Variants in MAST2 observed in about 807,000 individuals in gnomAD.
MAST2 encodes microtubule associated serine/threonine kinase 2, also known as microtubule-associated serine/threonine-protein kinase 2.
Under a neutral mutation model 147.4 loss-of-function variants are expected in MAST2, and 70 were observed. The observed-to-expected ratio is 0.47, with a 90% CI of 0.39 to 0.58. MAST2 has a LOEUF of 0.58. MAST2 is among the 20% of genes least tolerant of loss of function. The probability of loss-of-function intolerance (pLI) is 0.00; values close to 1 mark genes in which losing one functional copy is unlikely to be tolerated. For synonymous variants in MAST2, 869 were observed against 896.8 expected (o/e 0.97, Z 0.55); for missense variants, 2,080 against 2,302.3 (o/e 0.90, Z 1.98).
At position 46,006,305 on chromosome 1, in the gene MAST2, A is replaced by C; in HGVS notation, c.812A>C (p.His271Pro). The C allele has an allele frequency of 2.5e-6, 4 of 1,613,870 alleles. No homozygotes were observed. The highest frequency in any genetic ancestry group is 2.5e-6 in the Non-Finnish European group (3 of 1,179,864). The stretch of plus-strand genomic sequence containing the variant: ...TTCCAGCCTACAGCTGATGAGCTGC[A>C]CTTTTTGACGAAGCATTTCAGCACA... ...LPFQPTADEL[H>P]FLTKHFSTES... Residue 271 changes from histidine to proline, a missense_variant, in exon 8 of 29, where the codon CAC (histidine) becomes CCC (proline). Transcript: ENST00000361297.
Position 45,973,155 on chromosome 1 carries a change from T to C in MAST2, c.592+13678T>C, listed in dbSNP as rs568337379. 3.9e-5 allele frequency among the ~76,000 whole-genome samples: 6 copies of C among 152,332 alleles called. No individual in the cohort carries two copies. The East Asian group carries it at 1.2e-3, about 29-fold the overall frequency. ...AGTTCTACTCCTGTATTATTCTTTT[T>C]TTCAGTCTGTTTGTGAGCTGTAATG... On this transcript the variant is annotated intron_variant, in intron 5 of 28. Coordinates refer to ENST00000361297, the MANE Select transcript of MAST2 (RefSeq NM_015112.3).
intron 28 of MAST2, 92 bp downstream of exon 28, chr1:46,034,358 C>T (rs1276850106): frequency 7.0e-7 from 1 of 1,422,516 alleles, no homozygotes; most frequent in African/African-American, 1.4e-5. Context: ...CACTCTGAGT[C>T]TCTCATTTAG....
In MAST2 at chr1:46,030,250, G is replaced by A. The variant is rs768761952; in HGVS notation, c.2553+12G>A. The A allele has an allele frequency of 2.5e-6, 4 of 1,612,886 alleles. No individual in the cohort carries two copies. In the South Asian group the frequency reaches 4.4e-5, roughly 18 times the overall value. The stretch of plus-strand genomic sequence containing the variant: ...CAAGGTTCAACAAGGTGTGACTGAG[G>A]AGGCCCAGAATGGGCAGAACAGGCT... On this transcript the variant is annotated intron_variant, in intron 21 of 28. Coordinates refer to ENST00000361297, the MANE Select transcript of MAST2 (RefSeq NM_015112.3).
Position 46,035,724 on chromosome 1 carries a change from T to C in MAST2, c.5055T>C (p.Asp1685=). The change falls in exon 29 of 29, where the codon GAT becomes GAC. Residue 1685 remains aspartate, a synonymous_variant. Coordinates refer to ENST00000361297, the MANE Select transcript of MAST2 (RefSeq NM_015112.3). This position sits in a 1 kb window ranked among gnomAD's most constrained non-coding sequence, Gnocchi z 5.5. ...CAGGTGGGCTAGCCAACCTCCAGGA[T>C]TTGGAAAACACAACTCCAGCCCAGC... ...TMAGGLANLQ[D]LENTTPAQPK... is the part of the protein sequence containing the mutation. 6.2e-7 allele frequency: 1 copy of C among 1,613,658 alleles called. No individual in the cohort carries two copies. The highest frequency in any genetic ancestry group is 1.7e-5 in the Admixed American group (1 of 59,986).
intron 4 of MAST2, among the ~76,000 whole-genome samples, chr1:45,896,665 G>C (rs371000513): frequency 6.6e-6 from 1 of 152,288 alleles, no homozygotes; most frequent in South Asian, 2.1e-4. Flanking sequence ...TGCCCCTGAG[G>C]CCTAACGCAG....
chr1:45,911,852 TATATTATTATTATTATTATTA>T (rs1233037807), intron 4 of MAST2, among the ~76,000 whole-genome samples: 2 of 129,546 alleles, frequency 1.5e-5, no homozygotes, highest in African/African-American at 6.1e-5. Context: ...TTATTATTGT[TATATTATTATTATTATTATTA>T]TTATTATTAT....
chr1:45,816,665 C>T (rs1644464284), intron 1 of MAST2, among the ~76,000 whole-genome samples: 1 of 152,012 alleles, frequency 6.6e-6, no homozygotes, highest in African/African-American at 2.4e-5. Context: ...ACTGATTAAG[C>T]AGAAGAAAGA....
rs34070850 is a variant in MAST2, at chr1:46,035,687, A to G, written c.5018A>G (p.Lys1673Arg). The stretch of plus-strand genomic sequence containing the variant: ...CCAGACAGGGCATCCCCAAGCAGAA[A>G]GGCAACCATGGCAGGTGGGCTAGCC... ...EGPDRASPSRKATMAGGLANL... is the reference protein window; with the variant it reads ...EGPDRASPSRRATMAGGLANL... The change falls in exon 29 of 29, where the codon AAG (lysine) becomes AGG (arginine). Residue 1673 changes from lysine to arginine, a missense_variant. Coordinates refer to ENST00000361297, the MANE Select transcript of MAST2 (RefSeq NM_015112.3). This position sits in a 1 kb window ranked among gnomAD's most constrained non-coding sequence, Gnocchi z 5.5. The G allele has an allele frequency of 0.059, 95,689 of 1,613,830 alleles. 3,239 individuals are homozygous for G. Among genetic ancestry groups the G allele is most frequent in the South Asian group, 0.066 (6,046 of 91,068 alleles).
intron 4 of MAST2, among the ~76,000 whole-genome samples, chr1:45,951,078 C>G (rs1283639814): frequency 6.7e-6 from 1 of 150,316 alleles, no homozygotes; most frequent in Non-Finnish European, 1.5e-5. Flanking sequence ...TTTTAATTAG[C>G]TGGGCATGGT....
At chr1:45,959,568 T>C in intron 5 of MAST2, 91 bp downstream of exon 5, 1 of 1,035,964 alleles carries the variant, frequency 9.7e-7, no homozygotes, top group South Asian at 1.5e-5. Flanking sequence ...CAGTTCCGTA[T>C]ATTACATTGT....
Position 46,023,999 on chromosome 1 carries a change from C to T in MAST2, c.1780+19C>T. The T allele has an allele frequency of 6.2e-7, 1 of 1,613,124 alleles. No individual in the cohort carries two copies. The highest frequency in any genetic ancestry group is 8.5e-7 in the Non-Finnish European group (1 of 1,179,092). ...GTTGAAGGTACTGAGGCAAAGGTGG[C>T]CTGGCATGGAGGCCAAGGCACAGTC... On this transcript the variant is annotated intron_variant, in intron 15 of 28. Coordinates refer to ENST00000361297, the MANE Select transcript of MAST2 (RefSeq NM_015112.3). The surrounding 1 kb of genome is among the most constrained non-coding windows in gnomAD (Gnocchi z 4.9).
In MAST2 at chr1:45,860,833, C is replaced by CA. The variant is rs886432267; in HGVS notation, c.469-21520dup. On this transcript the variant is annotated intron_variant, in intron 3 of 28. Transcript: ENST00000361297. ...GGCGACAAGAGCGAAACTCCGTCTC[C>CA]AAAAAAAAAAATCTTACTACTCCTC... 4.7e-4 allele frequency among the ~76,000 whole-genome samples: 69 copies of CA among 145,304 alleles called. 1 individual carries two copies. The South Asian group carries it at 7.6e-3, about 16-fold the overall frequency.
intron 4 of MAST2, among the ~76,000 whole-genome samples, chr1:45,890,145 A>G: frequency 6.6e-6 from 1 of 152,124 alleles, no homozygotes; most frequent in East Asian, 1.9e-4. Context: ...ACCTCACCCA[A>G]ACCTTGCTGT....
intron 5 of MAST2, among the ~76,000 whole-genome samples, chr1:45,967,748 G>A (rs1661447362): frequency 1.3e-5 from 2 of 152,260 alleles, no homozygotes; most frequent in African/African-American, 4.8e-5. Context: ...TTGTGTATAA[G>A]TGAACCCGTA....
chr1:45,973,815 A>C (rs1427703502), intron 5 of MAST2, among the ~76,000 whole-genome samples: 1 of 152,240 alleles, frequency 6.6e-6, no homozygotes, highest in African/African-American at 2.4e-5. Context: ...AGATCAAGTG[A>C]CATGAAGTCT....
intron 3 of MAST2, among the ~76,000 whole-genome samples, chr1:45,831,779 A>AC (rs1491380342): frequency 7.5e-6 from 1 of 133,980 alleles, no homozygotes; most frequent in Non-Finnish European, 1.6e-5. Context: ...GAAGTTTAAT[A>AC]GTTTTTTTTT....
intron 3 of MAST2, among the ~76,000 whole-genome samples, chr1:45,846,068 C>A (rs1340710811): frequency 6.6e-6 from 1 of 152,052 alleles, no homozygotes; most frequent in Non-Finnish European, 1.5e-5. Context: ...CCTCTTTATC[C>A]CGTTTCAAAA....
At chr1:45,999,696 G>A (rs906724525) in intron 6 of MAST2, among the ~76,000 whole-genome samples, 1 of 152,168 alleles carries the variant, frequency 6.6e-6, no homozygotes, top group Non-Finnish European at 1.5e-5. Context: ...TCATTGTTAT[G>A]ATTCATATCT....
chr1:45,962,219 C>T (rs781604494), intron 5 of MAST2, among the ~76,000 whole-genome samples: 8 of 152,088 alleles, frequency 5.3e-5, no homozygotes, highest in African/African-American at 1.7e-4. Context: ...TGAGTCATGC[C>T]GCAATAAACA....
Sources: allele counts gnomAD v4.1 joint callset (sites outside exome capture counted in the v4.1 genomes callset), GRCh38; gene constraint gnomAD v4.1.1; non-coding constraint Gnocchi (gnomAD v3.1); transcripts MANE v1.5; gene names NCBI Gene and HGNC (gene_info 2026-07-23, HGNC 2026-07-21).